Variants in HMCN2 observed in about 807,000 individuals in gnomAD.
HMCN2 encodes hemicentin 2, also known as hemicentin-2.
Under a neutral mutation model 377.5 loss-of-function variants are expected in HMCN2, and 325 were observed. That is an observed-to-expected ratio of 0.86 (90% confidence interval 0.79 to 0.94). The LOEUF (loss-of-function observed/expected upper bound fraction) is 0.94. Ranked by LOEUF, HMCN2 falls within the 40% of genes least tolerant of loss-of-function variation. The probability of loss-of-function intolerance (pLI) is 0.00; values close to 1 mark genes in which losing one functional copy is unlikely to be tolerated. For missense variants in HMCN2, 4,543 were observed against 4,725.3 expected (o/e 0.96, Z 1.13); for synonymous variants, 2,007 against 2,046.8 (o/e 0.98, Z 0.53).
chr9:130,353,132 T>A lies in HMCN2; in HGVS notation c.4791T>A (p.Asp1597Glu), dbSNP rs971514995. Residue 1597 changes from aspartate to glutamate, a missense_variant, in exon 31 of 98, where the codon GAT (aspartate) becomes GAA (glutamate). Asp to Glu is a conservative substitution (Grantham distance 45). This residue lies in a region of HMCN2 where 1,032 missense variants were observed against 1,285.1 expected (regional missense o/e 0.80). Coordinates refer to ENST00000683500, the MANE Select transcript of HMCN2 (RefSeq NM_001291815.2). ...AGCTGGGGAGGGCCCAGAGCTCCGA[T>A]GCCGGCGTCTACACCTGCAAGGCCA... is the stretch of plus-strand genomic sequence containing the variant. ...QLQLGRAQSS[D>E]AGVYTCKASN... 3.1e-6 allele frequency: 4 copies of A among 1,304,060 alleles called. No homozygotes were observed. The African/African-American group carries it at 6.1e-5, about 20-fold the overall frequency. The allele number at this position is 1,304,060 out of a possible 1,614,324, so 80.8% of individuals were successfully genotyped here. A position where few individuals can be genotyped will look rare whatever the true frequency, so the allele number is the denominator to read the frequency against.
intron 3 of HMCN2, 55 bp downstream of exon 3, chr9:130,285,371 A>G (rs1220317900): frequency 2.2e-6 from 1 of 462,618 alleles, no homozygotes; most frequent in Non-Finnish European, 4.5e-6. Flanking sequence ...GTCCCGAGGA[A>G]GCTGGGGTCT....
chr9:130,310,055 G>C lies in HMCN2; in HGVS notation c.2344G>C (p.Val782Leu). 1.9e-6 allele frequency: 1 copy of C among 532,174 alleles called. No individual in the cohort carries two copies. Among genetic ancestry groups the C allele is most frequent in the Non-Finnish European group, 3.9e-6 (1 of 258,734 alleles). The allele number at this position is 532,174 out of a possible 1,614,324, so 33.0% of individuals were successfully genotyped here. The change falls in exon 15 of 98, where the codon GTT becomes CTT. Residue 782 changes from valine (V) to leucine (L), a missense_variant. Physicochemically the swap from Val to Leu is conservative, Grantham distance 32. This residue lies in a region of HMCN2 where 547 missense variants were observed against 189.9 expected (regional missense o/e 2.88). Transcript: ENST00000683500. Reference sequence around the variant, plus strand: ...CGCCTCTGCAGAAATCCAGCTGGCGGTTGGACGTGAGTGTATACCTTGTCT... The same window carrying C: ...CGCCTCTGCAGAAATCCAGCTGGCGCTTGGACGTGAGTGTATACCTTGTCT... ...GDASAEIQLA[V>L]GHAPQLTELP...
chr9:130,392,691 G>A (rs1449738700), intron 66 of HMCN2, among the ~76,000 whole-genome samples: 1 of 152,132 alleles, frequency 6.6e-6, no homozygotes, highest in East Asian at 1.9e-4. Flanking sequence ...GGGGGCACCG[G>A]GAACCCAGGT....
intron 48 of HMCN2, among the ~76,000 whole-genome samples, chr9:130,374,172 T>G (rs1465427843): frequency 6.7e-6 from 1 of 148,198 alleles, no homozygotes; most frequent in African/African-American, 2.5e-5. Context: ...GAAGGATAGG[T>G]GAGTAGGTAG....
chr9:130,411,741 A>C (rs957691438), intron 85 of HMCN2, among the ~76,000 whole-genome samples: 1 of 152,154 alleles, frequency 6.6e-6, no homozygotes, highest in Non-Finnish European at 1.5e-5. Flanking sequence ...TGTTTATATG[A>C]GGGGCCTAGA....
chr9:130,356,415 G>A (rs1246762004), intron 34 of HMCN2, 158 bp downstream of exon 34: 1 of 491,446 alleles, frequency 2.0e-6, no homozygotes, highest in African/African-American at 2.1e-5. Context: ...ACGCAGGTGT[G>A]AGAGGCTGGC....
intron 43 of HMCN2, 109 bp from the exon 44 acceptor site, chr9:130,368,164 AAGG>A: frequency 3.6e-6 from 2 of 561,628 alleles, no homozygotes; most frequent in Non-Finnish European, 4.5e-6. Flanking sequence ...TGGACACCTG[AAGG>A]ATGAGCAGGA....
chr9:130,349,101 G>T lies in HMCN2; in HGVS notation c.4273G>T (p.Ala1425Ser). ...SCRAENQAGT[A>S]QRDFHLLVLT... ...CCGGGCAGAGAACCAGGCTGGCACC[G>T]CCCAGAGGGACTTCCATCTCCTTGT... The change falls in exon 28 of 98, where the codon GCC becomes TCC. Residue 1425 changes from alanine (A) to serine (S), a missense_variant. By Grantham distance (99) the Ala-to-Ser change is moderately conservative. Around this residue, in one of 5 missense-constraint regions of HMCN2, gnomAD observed 1,032 missense variants for 1,285.1 expected, o/e 0.80. Coordinates refer to ENST00000683500, the MANE Select transcript of HMCN2 (RefSeq NM_001291815.2). The T allele has an allele frequency of 7.7e-7, 1 of 1,304,168 alleles. No homozygotes were observed. The highest frequency in any genetic ancestry group is 1.0e-6 in the Non-Finnish European group (1 of 988,908). The allele number at this position is 1,304,168 out of a possible 1,614,324, so 80.8% of individuals were successfully genotyped here.
At chr9:130,365,520 CA>C in intron 41 of HMCN2, 110 bp from the exon 42 acceptor site, 1 of 385,222 alleles carries the variant, frequency 2.6e-6, no homozygotes, top group Non-Finnish European at 3.6e-6. Flanking sequence ...TCCAAGTGGG[CA>C]GCTTGGGGGC....
intron 22 of HMCN2, among the ~76,000 whole-genome samples, chr9:130,330,968 A>AACACACACACACACACACACAC (rs1173053980): frequency 7.6e-6 from 1 of 131,426 alleles, no homozygotes; most frequent in Non-Finnish European, 1.6e-5. Context: ...TCTCTACTGA[A>AACACACACACACACACACACAC]ACACACACAC....
In HMCN2 at chr9:130,308,494, G is replaced by A. The variant is rs13302001; in HGVS notation, c.2200+928G>A. 5.7e-3 allele frequency among the ~76,000 whole-genome samples: 868 copies of A among 152,264 alleles called. 5 individuals carry two copies. The highest frequency in any genetic ancestry group is 9.9e-3 in the Non-Finnish European group (675 of 68,022). On this transcript the variant is annotated intron_variant, in intron 14 of 97. Transcript: ENST00000683500. The surrounding 1 kb of genome is among the most constrained non-coding windows in gnomAD (Gnocchi z 4.1). ...GGAGCAGTACGCTGGGCTCCCTCTC[G>A]AGGGTCAACCGGGGTCAGCAATACT...
Position 130,349,007 on chromosome 9 carries a change from C to T in HMCN2, c.4179C>T (p.Arg1393=). 1 of 1,304,164 alleles carries T rather than the reference C, an allele frequency of 7.7e-7. No individual in the cohort carries two copies. Among genetic ancestry groups the T allele is most frequent in the South Asian group, 1.2e-5 (1 of 81,022 alleles). 80.8% of individuals were successfully genotyped at this position (1,304,164 alleles called of 1,614,324 possible). Residue 1393 remains arginine, a synonymous_variant, in exon 28 of 98, where the codon CGC becomes CGT. Transcript: ENST00000683500. ...AQLIPKVGGH[R]LLDEGQSLHF... ...AGATTCCTAAGGTGGGCGGCCACCG[C>T]CTCCTGGACGAGGGCCAGTCCCTCC...
chr9:130,287,715 C>T (rs1356508007), intron 4 of HMCN2, among the ~76,000 whole-genome samples: 1 of 152,182 alleles, frequency 6.6e-6, no homozygotes, highest in Non-Finnish European at 1.5e-5. Context: ...ATGGCCACAG[C>T]CTTCCCAGCA....
intron 97 of HMCN2, 56 bp downstream of exon 97, chr9:130,432,611 A>G (rs1844829361): frequency 6.6e-7 from 1 of 1,524,386 alleles, no homozygotes; most frequent in Non-Finnish European, 8.8e-7. Context: ...TTTTTCAGTC[A>G]CTGGGGGTGC....
chr9:130,274,351 T>C (rs1476217717), intron 1 of HMCN2, among the ~76,000 whole-genome samples: 2 of 152,204 alleles, frequency 1.3e-5, no homozygotes, highest in African/African-American at 2.4e-5. Flanking sequence ...CCACCGCGCC[T>C]GGCCAATGCG....
rs1844081622 is a variant in HMCN2, at chr9:130,422,582, C to T, written c.13237C>T (p.Pro4413Ser). The T allele has an allele frequency of 3.8e-6, 5 of 1,316,832 alleles. No homozygotes were observed. Among genetic ancestry groups the T allele is most frequent in the East Asian group, 3.1e-5 (1 of 32,136 alleles). The allele number at this position is 1,316,832 out of a possible 1,614,324, so 81.6% of individuals were successfully genotyped here. Residue 4413 changes from proline to serine, a missense_variant, in exon 87 of 98, where the codon CCC (proline) becomes TCC (serine). By Grantham distance (74) the Pro-to-Ser change is moderately conservative. Coordinates refer to ENST00000683500, the MANE Select transcript of HMCN2 (RefSeq NM_001291815.2). This position sits in a 1 kb window ranked among gnomAD's most constrained non-coding sequence, Gnocchi z 4.2. ...ARAFLVVRGE[P>S]QGSWGSMTGV... is the part of the protein sequence containing the mutation. ...ATTCTTTCCCTTCCTTACAGGGGAG[C>T]CCCAGGGGAGCTGGGGCAGCATGAC... is the stretch of plus-strand genomic sequence containing the variant.
intron 15 of HMCN2, 24 bp downstream of exon 15, chr9:130,310,085 C>G (rs782327951): frequency 6.0e-6 from 3 of 503,144 alleles, no homozygotes; most frequent in East Asian, 5.8e-5. Flanking sequence ...TTGTCTCCCC[C>G]TCCCCTGCCC....
intron 36 of HMCN2, among the ~76,000 whole-genome samples, chr9:130,358,962 C>T (rs559548341): frequency 3.5e-4 from 53 of 152,346 alleles, no homozygotes; most frequent in Non-Finnish European, 8.8e-5. Context: ...GCGTGAGCCA[C>T]GGTGGGATTT....
chr9:130,344,518 T>G (rs1412968655), intron 25 of HMCN2, among the ~76,000 whole-genome samples: 1 of 149,520 alleles, frequency 6.7e-6, no homozygotes, highest in African/African-American at 2.5e-5. Context: ...GTGGTGTGTG[T>G]GGTGTGTAGT....
Sources: allele counts gnomAD v4.1 joint callset (sites outside exome capture counted in the v4.1 genomes callset), GRCh38; gene constraint gnomAD v4.1.1; regional missense constraint gnomAD v4.1.1; non-coding constraint Gnocchi (gnomAD v3.1); transcripts MANE v1.5; gene names NCBI Gene and HGNC (gene_info 2026-07-23, HGNC 2026-07-21).